The following PRKG1 variants were observed in gnomAD, a reference collection of about 807,000 sequenced individuals.
PRKG1 encodes cGMP-dependent protein kinase 1.
A neutral mutation model predicts 88.1 loss-of-function variants in PRKG1; 35 were observed. The observed-to-expected ratio is 0.40, with a 90% CI of 0.30 to 0.53. The LOEUF (loss-of-function observed/expected upper bound fraction) is 0.53. PRKG1 is among the 20% of genes least tolerant of loss of function. The probability of loss-of-function intolerance (pLI) is 0.59; values close to 1 mark genes in which losing one functional copy is unlikely to be tolerated. For synonymous variants in PRKG1, 303 were observed against 292.5 expected (o/e 1.04, Z -0.37); for missense variants, 540 against 839.8 (o/e 0.64, Z 4.41).
At position 51,473,859 on chromosome 10, in the gene PRKG1, C is replaced by T. The variant is rs569497927; in HGVS notation, c.592+6023C>T. Among the ~76,000 whole-genome samples the T allele has an allele frequency of 2.6e-5, 4 of 151,728 alleles. No homozygotes were observed. The South Asian group carries it at 8.3e-4, about 31-fold the overall frequency. On this transcript the variant is annotated intron_variant, in intron 3 of 17. Transcript: ENST00000373980. ...GCTCCCACACATGTAAAGCTTGAGT[C>T]AGTTTTTGGTGTAATGAATCTTCAT...
intron 3 of PRKG1, among the ~76,000 whole-genome samples, chr10:51,730,280 T>C (rs565451410): frequency 1.1e-4 from 16 of 152,338 alleles, no homozygotes; most frequent in African/African-American, 3.8e-4. Flanking sequence ...GCCTTTGCAT[T>C]GCTTTGTACT....
chr10:51,782,927 C>A (rs1274644488), intron 3 of PRKG1, among the ~76,000 whole-genome samples: 1 of 151,992 alleles, frequency 6.6e-6, no homozygotes. Flanking sequence ...TAATACAGAC[C>A]TGTATTCAGG....
chr10:51,153,089 A>T lies in PRKG1; in HGVS notation c.312-75A>T, dbSNP rs1449158552. On this transcript the variant is annotated intron_variant, in intron 1 of 17. Coordinates refer to ENST00000373980, the MANE Select transcript of PRKG1 (RefSeq NM_006258.4). ...CATTTGTGGTGTGCCAGAGCACTCT[A>T]TGGCGCTGCTAAACCTCACAAACTA... 54 of 1,373,198 alleles carry T rather than the reference A, an allele frequency of 3.9e-5. 1 individual carries two copies. In the South Asian group the frequency reaches 7.4e-4, roughly 19 times the overall value. 85.1% of individuals were successfully genotyped at this position (1,373,198 alleles called of 1,614,324 possible). A position where few individuals can be genotyped will look rare whatever the true frequency, so the allele number is the denominator to read the frequency against.
chr10:52,222,759 C>A (rs1205171885), intron 9 of PRKG1, among the ~76,000 whole-genome samples: 1 of 152,168 alleles, frequency 6.6e-6, no homozygotes, highest in Admixed American at 6.5e-5. Context: ...ATGCCTACCA[C>A]ATATTATGCA....
At chr10:51,951,764 T>G (rs551523653) in intron 5 of PRKG1, among the ~76,000 whole-genome samples, 2 of 152,350 alleles carry the variant, frequency 1.3e-5, no homozygotes, top group African/African-American at 4.8e-5. Flanking sequence ...TATCAACTAC[T>G]GTTCTAGTTG....
At chr10:51,237,885 G>T (rs899687288) in intron 2 of PRKG1, among the ~76,000 whole-genome samples, 2 of 152,104 alleles carry the variant, frequency 1.3e-5, no homozygotes, top group African/African-American at 4.8e-5. Flanking sequence ...CAAGTAGATG[G>T]TTAGATGTAG....
At chr10:51,628,801 T>C (rs1309536069) in intron 3 of PRKG1, among the ~76,000 whole-genome samples, 3 of 150,060 alleles carry the variant, frequency 2.0e-5, no homozygotes, top group Non-Finnish European at 4.4e-5. Flanking sequence ...CTACTAAAAA[T>C]ACAAAAAATT....
At chr10:51,402,690 C>A (rs1555878) in intron 2 of PRKG1, among the ~76,000 whole-genome samples, 1 of 152,062 alleles carries the variant, frequency 6.6e-6, no homozygotes, top group Non-Finnish European at 1.5e-5. Context: ...CAGTGTCCCA[C>A]TGGCTGGAAA....
chr10:51,429,132 G>T (rs1305647287), intron 2 of PRKG1, among the ~76,000 whole-genome samples: 1 of 152,186 alleles, frequency 6.6e-6, no homozygotes, highest in East Asian at 1.9e-4. Context: ...ATTGGGAAAA[G>T]TAAGAGCTTA....
chr10:52,084,633 G>A (rs1329442029), intron 7 of PRKG1, among the ~76,000 whole-genome samples: 5 of 151,730 alleles, frequency 3.3e-5, no homozygotes, highest in East Asian at 3.9e-4. Context: ...AAGTTCAATC[G>A]TTCACCCTTT....
chr10:51,970,008 ACACACACACACACACAC>A (rs1843667102), intron 5 of PRKG1, among the ~76,000 whole-genome samples: 1 of 3,120 alleles, frequency 3.2e-4, no homozygotes, highest in Admixed American at 5.7e-3. Context: ...TCATACACAC[ACACACACACACACACAC>A]ACACACACAC....
chr10:51,826,876 C>G (rs1327876118), intron 4 of PRKG1, among the ~76,000 whole-genome samples: 1 of 152,302 alleles, frequency 6.6e-6, no homozygotes, highest in Middle Eastern at 3.4e-3. Context: ...TAATTTTACT[C>G]TTGTTATTGC....
At chr10:52,273,514 G>C in intron 12 of PRKG1, among the ~76,000 whole-genome samples, 1 of 151,974 alleles carries the variant, frequency 6.6e-6, no homozygotes, top group Non-Finnish European at 1.5e-5. Flanking sequence ...AAAACAAGTG[G>C]TTCCTTATGA....
chr10:52,175,308 C>T (rs1838832890), intron 9 of PRKG1, among the ~76,000 whole-genome samples: 1 of 152,026 alleles, frequency 6.6e-6, no homozygotes, highest in Non-Finnish European at 1.5e-5. Context: ...TCGCCACAAA[C>T]AACAGAATTC....
intron 3 of PRKG1, among the ~76,000 whole-genome samples, chr10:51,791,167 T>C (rs764783583): frequency 3.3e-5 from 5 of 151,928 alleles, no homozygotes; most frequent in Non-Finnish European, 5.9e-5. Flanking sequence ...TAGCTTAAGA[T>C]GGAAAAATAA....
At chr10:51,627,263 G>A (rs1301045839) in intron 3 of PRKG1, among the ~76,000 whole-genome samples, 1 of 152,120 alleles carries the variant, frequency 6.6e-6, no homozygotes, top group African/African-American at 2.4e-5. Flanking sequence ...AGGTAGTTCA[G>A]CTTACTAGGA....
At chr10:51,750,658 G>A (rs755064504) in intron 3 of PRKG1, among the ~76,000 whole-genome samples, 2 of 152,164 alleles carry the variant, frequency 1.3e-5, no homozygotes, top group Non-Finnish European at 2.9e-5. Context: ...CAAAGGACCA[G>A]GAAGAAAGCT....
At chr10:51,939,096 G>A (rs1157222702) in intron 5 of PRKG1, among the ~76,000 whole-genome samples, 1 of 151,832 alleles carries the variant, frequency 6.6e-6, no homozygotes, top group East Asian at 1.9e-4. Context: ...TTTATCCTAT[G>A]AATCCTCTAT....
At chr10:52,180,311 T>C (rs1332076983) in intron 9 of PRKG1, among the ~76,000 whole-genome samples, 1 of 152,234 alleles carries the variant, frequency 6.6e-6, no homozygotes, top group Non-Finnish European at 1.5e-5. Context: ...AAATCATGAA[T>C]TGTTTCCCGG....
Sources: gnomAD v4.1 joint callset for allele counts (sites outside exome capture counted in the v4.1 genomes callset) on GRCh38, gnomAD v4.1.1 for gene constraint, MANE v1.5 for transcripts, NCBI Gene and HGNC (gene_info 2026-07-23, HGNC 2026-07-21) for gene names.